ANGPT1: variants seen among roughly 807,000 people sequenced by gnomAD.
The protein encoded by ANGPT1 is angiopoietin 1.
ANGPT1 carries 17 observed loss-of-function variants against 62.2 expected under a neutral mutation model. That is an observed-to-expected ratio of 0.27 (90% CI 0.19 to 0.41). ANGPT1 has a LOEUF of 0.41. ANGPT1 is among the 10% of genes least tolerant of loss of function. The probability of loss-of-function intolerance (pLI) is 1.00; values close to 1 mark genes in which losing one functional copy is unlikely to be tolerated. For missense variants in ANGPT1, 478 were observed against 594.9 expected, an observed-to-expected ratio of 0.80 and a Z score of 2.04; for synonymous variants, 199 against 198.9, an observed-to-expected ratio of 1.00 and a Z score of 0.00.
In ANGPT1 at chr8:107,284,715, C is replaced by A. The variant is rs1301638044; in HGVS notation, c.1172G>T (p.Arg391Ile). The A allele has an allele frequency of 6.3e-7, 1 of 1,589,526 alleles. No homozygotes were observed. Among genetic ancestry groups the A allele is most frequent in the South Asian group, 1.2e-5 (1 of 86,252 alleles). ...TTGCTTTTCATTTCCTATGTGGAAT[C>A]TGTCATACTGTGAATAGGCTCGGTT... ...EGNRAYSQYD[R>I]FHIGNEKQNY... The change falls in exon 7 of 9, where the codon AGA becomes ATA. Residue 391 changes from arginine to isoleucine, a missense_variant. Arg to Ile is a moderately conservative substitution (Grantham distance 97). This residue lies in a region of ANGPT1 where 81 missense variants were observed against 117.1 expected (regional missense o/e 0.69). Transcript: ENST00000517746.
At chr8:107,492,451 T>G (rs1459554168) in intron 1 of ANGPT1, among the ~76,000 whole-genome samples, 1 of 152,182 alleles carries the variant, frequency 6.6e-6, no homozygotes, top group Non-Finnish European at 1.5e-5. Context: ...TTCTCCTTCC[T>G]CAGCCTCCCT....
rs984811789 is a variant in ANGPT1, at chr8:107,250,814, G to T, written c.*1041C>A. ...AGCAAGACATAACAGGGTGAGTATT[G>T]GAGTTCTAAAAATATTTTTAAAATA... On this transcript the variant is annotated 3_prime_UTR_variant, in exon 9 of 9. Transcript: ENST00000517746. The T allele has an allele frequency of 6.6e-6, 1 of 151,910 alleles. No individual in the cohort carries two copies. Among genetic ancestry groups the T allele is most frequent in the African/African-American group, 2.4e-5 (1 of 41,396 alleles). 9.4% of individuals were successfully genotyped at this position (151,910 alleles called of 1,614,324 possible).
At chr8:107,340,656 T>A (rs1456314460) in intron 2 of ANGPT1, among the ~76,000 whole-genome samples, 8 of 129,268 alleles carry the variant, frequency 6.2e-5, no homozygotes, top group African/African-American at 2.3e-4. Context: ...CAGCAATTGT[T>A]TGTATTTTTT....
intron 8 of ANGPT1, among the ~76,000 whole-genome samples, chr8:107,253,316 A>G (rs895882744): frequency 3.3e-5 from 5 of 152,196 alleles, no homozygotes; most frequent in African/African-American, 1.2e-4. Flanking sequence ...GTAAAATCCT[A>G]CCTTTGTTTT....
intron 6 of ANGPT1, among the ~76,000 whole-genome samples, chr8:107,286,732 A>T (rs1814150667): frequency 6.6e-6 from 1 of 152,134 alleles, no homozygotes; most frequent in Non-Finnish European, 1.5e-5. Flanking sequence ...GCTCACAGTA[A>T]AGCTATAAGA....
At chr8:107,291,488 T>C (rs1238720610) in intron 6 of ANGPT1, among the ~76,000 whole-genome samples, 2 of 152,142 alleles carry the variant, frequency 1.3e-5, no homozygotes, top group Non-Finnish European at 2.9e-5. Flanking sequence ...CTCAGCTCAC[T>C]GCAACCTCTG....
Position 107,322,080 on chromosome 8 carries a change from C to T in ANGPT1, c.624G>A (p.Glu208=). Residue 208 remains glutamate (E), a synonymous_variant, in exon 4 of 9, where the codon GAG becomes GAA. Transcript: ENST00000517746. ...ILEMEGKHKE[E]LDTLKEEKEN... ...CTTTCTCTTCCTTTAAGGTGTCCAACTCTTCCTTGTGTTTTCCTTCCATTT... is the reference window on the plus strand; with the variant it reads ...CTTTCTCTTCCTTTAAGGTGTCCAATTCTTCCTTGTGTTTTCCTTCCATTT... 2 of 1,613,896 alleles carry T rather than the reference C, an allele frequency of 1.2e-6. No individual in the cohort carries two copies. Among genetic ancestry groups the T allele is most frequent in the Non-Finnish European group, 1.7e-6 (2 of 1,179,896 alleles).
At chr8:107,493,612 TA>T (rs972903059) in intron 1 of ANGPT1, among the ~76,000 whole-genome samples, 3 of 150,580 alleles carry the variant, frequency 2.0e-5, no homozygotes, top group Non-Finnish European at 4.4e-5. Flanking sequence ...ATACCTCGAA[TA>T]AAATGCTGAC....
intron 1 of ANGPT1, among the ~76,000 whole-genome samples, chr8:107,363,954 CT>C (rs992752872): frequency 6.6e-6 from 1 of 152,140 alleles, no homozygotes; most frequent in African/African-American, 2.4e-5. Flanking sequence ...ATATAGTCCC[CT>C]GACTGACACT....
chr8:107,292,990 T>C (rs1814315162), intron 6 of ANGPT1, among the ~76,000 whole-genome samples: 1 of 152,220 alleles, frequency 6.6e-6, no homozygotes, highest in Non-Finnish European at 1.5e-5. Context: ...CCTGCATTAC[T>C]ATGCCTTTAC....
chr8:107,253,241 T>G (rs1184555770), intron 8 of ANGPT1, among the ~76,000 whole-genome samples: 1 of 152,172 alleles, frequency 6.6e-6, no homozygotes, highest in Non-Finnish European at 1.5e-5. Flanking sequence ...ACAACATAAA[T>G]GTTAATGTAG....
intron 1 of ANGPT1, among the ~76,000 whole-genome samples, chr8:107,418,386 A>G (rs1001562851): frequency 6.6e-6 from 1 of 152,272 alleles, no homozygotes; most frequent in South Asian, 2.1e-4. Flanking sequence ...TGAGAAAAAA[A>G]TGGGCACATG....
chr8:107,496,963 T>G (rs1813116858), intron 1 of ANGPT1, among the ~76,000 whole-genome samples: 2 of 152,212 alleles, frequency 1.3e-5, no homozygotes, highest in Non-Finnish European at 2.9e-5. Flanking sequence ...CTTAAGGTAG[T>G]GTTTTGACAG....
At chr8:107,481,099 T>C (rs189640553) in intron 1 of ANGPT1, among the ~76,000 whole-genome samples, 39 of 152,306 alleles carry the variant, frequency 2.6e-4, no homozygotes, top group African/African-American at 9.1e-4. Context: ...GCAGAGTCCT[T>C]CTTCACAACC....
chr8:107,284,938 AATT>A (rs1470391440), intron 6 of ANGPT1, 90 bp from the exon 7 acceptor site: 9 of 1,050,354 alleles, frequency 8.6e-6, no homozygotes, highest in Non-Finnish European at 1.1e-5. Flanking sequence ...AATAATTAAA[AATT>A]ATTAAAAAGT....
At chr8:107,291,271 CT>C (rs1814264335) in intron 6 of ANGPT1, among the ~76,000 whole-genome samples, 1 of 152,172 alleles carries the variant, frequency 6.6e-6, no homozygotes, top group Non-Finnish European at 1.5e-5. Context: ...TACATTACTT[CT>C]AATCCTTGAA....
chr8:107,402,437 G>T (rs1817065094), intron 1 of ANGPT1, among the ~76,000 whole-genome samples: 1 of 152,140 alleles, frequency 6.6e-6, no homozygotes, highest in Admixed American at 6.6e-5. Context: ...TCACTTATTA[G>T]ATAAATGTGT....
intron 5 of ANGPT1, 59 bp from the exon 6 acceptor site, chr8:107,294,096 C>T (rs1302305464): frequency 5.1e-6 from 7 of 1,372,870 alleles, no homozygotes; most frequent in Non-Finnish European, 7.1e-6. Context: ...AACATATATC[C>T]TACATGTTTC....
At chr8:107,461,035 A>C (rs1406860602) in intron 1 of ANGPT1, among the ~76,000 whole-genome samples, 1 of 152,166 alleles carries the variant, frequency 6.6e-6, no homozygotes, top group African/African-American at 2.4e-5. Context: ...CACAAAGCTA[A>C]ACGAAAAATA....
Sources: gnomAD v4.1 joint callset for allele counts (sites outside exome capture counted in the v4.1 genomes callset) on GRCh38, gnomAD v4.1.1 for gene constraint, gnomAD v4.1.1 regional missense constraint, MANE v1.5 for transcripts, NCBI Gene and HGNC (gene_info 2026-07-23, HGNC 2026-07-21) for gene names.